The following PCDH19 variants were observed in gnomAD, a reference collection of about 807,000 sequenced individuals.
PCDH19 encodes the protein protocadherin 19.
In PCDH19, 6 loss-of-function variants were observed where a neutral mutation model predicts 46.2. That is an observed-to-expected ratio of 0.13 (90% CI 0.07 to 0.26). The LOEUF (loss-of-function observed/expected upper bound fraction) is 0.26, where lower values mean the gene tolerates loss of function less well. PCDH19 is among the 10% of genes least tolerant of loss of function. The pLI is 1.00. For missense variants in PCDH19, 740 were observed against 972.3 expected (o/e 0.76, Z 3.18); for synonymous variants, 481 against 415.7 (o/e 1.16, Z -1.91).
chrX:100,319,460 T>G (rs1925409024), intron 5 of PCDH19, among the ~76,000 whole-genome samples: 1 of 111,819 alleles, frequency 8.9e-6, no homozygotes, highest in Non-Finnish European at 1.9e-5. Context: ...GAGGGCTATT[T>G]GATTCAGGAA....
At chrX:100,349,180 T>C (rs1198648189) in intron 4 of PCDH19, among the ~76,000 whole-genome samples, 1 of 112,019 alleles carries the variant, frequency 8.9e-6, no homozygotes, top group Non-Finnish European at 1.9e-5. Context: ...AGTTTTAAAA[T>C]GGAGCTTTGA....
At chrX:100,337,447 G>A (rs1306988880) in intron 5 of PCDH19, among the ~76,000 whole-genome samples, 1 of 112,146 alleles carries the variant, frequency 8.9e-6, no homozygotes, top group Non-Finnish European at 1.9e-5. Context: ...CTTCTTTTCT[G>A]GGAAGCCATA....
At chrX:100,344,763 T>A (rs1243350096) in intron 4 of PCDH19, among the ~76,000 whole-genome samples, 1 of 100,366 alleles carries the variant, frequency 1.0e-5, no homozygotes, top group African/African-American at 3.7e-5. Context: ...CTTGGCAATA[T>A]TGACATTTGG....
Position 100,295,855 on chromosome X carries a change from C to G in PCDH19, c.*422G>C, listed in dbSNP as rs1602566106. On this transcript the variant is annotated 3_prime_UTR_variant, in exon 6 of 6. Coordinates refer to ENST00000373034, the MANE Select transcript of PCDH19 (RefSeq NM_001184880.2). ...ATAAATGACCATTAACTTGTCTACA[C>G]TACAAAAAACAGTGGCGAGCTTATT... The G allele has an allele frequency of 7.0e-6, 1 of 143,091 alleles. No homozygotes were observed. 11.8% of individuals were successfully genotyped at this position (143,091 alleles called of 1,213,427 possible).
chrX:100,313,824 C>T (rs140827247), intron 5 of PCDH19, among the ~76,000 whole-genome samples: 443 of 106,047 alleles, frequency 4.2e-3, no homozygotes, highest in Non-Finnish European at 5.8e-3. Flanking sequence ...TTTAAAACCT[C>T]CTGCTGGAAT....
At chrX:100,384,940 C>T (rs918667034) in intron 3 of PCDH19, among the ~76,000 whole-genome samples, 2 of 110,936 alleles carry the variant, frequency 1.8e-5, no homozygotes, top group Non-Finnish European at 3.8e-5. Flanking sequence ...AGGCAGGTTA[C>T]CTGAGGTCAG....
At chrX:100,380,254 C>T (rs900714391) in intron 3 of PCDH19, among the ~76,000 whole-genome samples, 1 of 111,201 alleles carries the variant, frequency 9.0e-6, no homozygotes, top group African/African-American at 3.3e-5. Flanking sequence ...AACAGCCAGC[C>T]GTCAACCATC....
At chrX:100,394,840 A>G (rs867633190) in intron 3 of PCDH19, among the ~76,000 whole-genome samples, 1 of 109,733 alleles carries the variant, frequency 9.1e-6, no homozygotes, top group East Asian at 2.9e-4. Flanking sequence ...GAATTGGCCC[A>G]CCTTTCAAAG....
Position 100,294,971 on chromosome X carries a change from T to C in PCDH19, c.*1306A>G, listed in dbSNP as rs1569283428. On this transcript the variant is annotated 3_prime_UTR_variant, in exon 6 of 6. Transcript: ENST00000373034. Reference sequence around the variant, plus strand: ...TTTTTAATCAAAAAACTATTAGTCATAAAAAGATGAGTTCAAGTGTCTGAG... The same window carrying C: ...TTTTTAATCAAAAAACTATTAGTCACAAAAAGATGAGTTCAAGTGTCTGAG... 8.9e-6 allele frequency: 1 copy of C among 112,571 alleles called. No homozygotes were observed. Among genetic ancestry groups the C allele is most frequent in the Non-Finnish European group, 1.9e-5 (1 of 53,233 alleles). 9.3% of individuals were successfully genotyped at this position (112,571 alleles called of 1,213,427 possible). A position where few individuals can be genotyped will look rare whatever the true frequency, so the allele number is the denominator to read the frequency against.
chrX:100,372,729 T>TCAA (rs1927263559), intron 3 of PCDH19, among the ~76,000 whole-genome samples: 1 of 112,387 alleles, frequency 8.9e-6, no homozygotes, highest in Non-Finnish European at 1.9e-5. Context: ...AAAAGCCTCT[T>TCAA]GCTTTTTTGG....
intron 3 of PCDH19, among the ~76,000 whole-genome samples, chrX:100,371,874 ACACACACACC>A (rs1215086673): frequency 8.4e-5 from 9 of 107,059 alleles, no homozygotes; most frequent in Admixed American, 3.0e-4. Flanking sequence ...ACACACACAC[ACACACACACC>A]CACACAAAAC....
At chrX:100,332,240 G>A (rs187952769) in intron 5 of PCDH19, among the ~76,000 whole-genome samples, 250 of 111,909 alleles carry the variant, frequency 2.2e-3, no homozygotes, top group Admixed American at 4.0e-3. Flanking sequence ...AAAACTATGG[G>A]GCCAGGGGCG....
In PCDH19 at chrX:100,407,064, A is replaced by T; in HGVS notation, c.1534T>A (p.Ser512Thr). ...GATCGCAGCGCGTAGATGTCGCCTG[A>T]GTTGGGATTGATGGAGACATAGGTG... Reference protein sequence around the residue: ...VFTYVSINPNSGDIYALRSFN... With the variant: ...VFTYVSINPNTGDIYALRSFN... Residue 512 changes from serine to threonine, a missense_variant, in exon 1 of 6, where the codon TCA becomes ACA. Coordinates refer to ENST00000373034, the MANE Select transcript of PCDH19 (RefSeq NM_001184880.2). The T allele has an allele frequency of 8.3e-7, 1 of 1,211,398 alleles. No homozygotes were observed. The highest frequency in any genetic ancestry group is 1.1e-6 in the Non-Finnish European group (1 of 895,317).
At chrX:100,317,978 C>G (rs1335912744) in intron 5 of PCDH19, among the ~76,000 whole-genome samples, 1 of 112,274 alleles carries the variant, frequency 8.9e-6, no homozygotes, top group East Asian at 2.8e-4. Flanking sequence ...GCAAACTTCT[C>G]TCCAGAAAGG....
intron 5 of PCDH19, among the ~76,000 whole-genome samples, chrX:100,335,882 T>C (rs913929147): frequency 1.8e-5 from 2 of 111,756 alleles, no homozygotes; most frequent in Admixed American, 1.9e-4. Context: ...AAACGCTGTA[T>C]ACACATTCCT....
rs756929305 is a variant in PCDH19, at chrX:100,325,146, TAGATAGATAGATAGATAGATAGAC to T, written c.2848+16733_2848+16756del. 4.1e-3 allele frequency among the ~76,000 whole-genome samples: 381 copies of T among 91,987 alleles called. 3 individuals are homozygous for T. Among genetic ancestry groups the T allele is most frequent in the Non-Finnish European group, 7.3e-3 (321 of 43,859 alleles). The allele number at this position is 91,987 out of a possible 115,157, so 79.9% of individuals were successfully genotyped here. ...AATACTAGATAGATAGATAGATAGA[TAGATAGATAGATAGATAGATAGAC>T]AGATAGACACTTTGATTATTGGTCT... On this transcript the variant is annotated intron_variant, in intron 5 of 5. Coordinates refer to ENST00000373034, the MANE Select transcript of PCDH19 (RefSeq NM_001184880.2).
At chrX:100,399,364 T>C (rs1050003015) in intron 3 of PCDH19, among the ~76,000 whole-genome samples, 2 of 111,983 alleles carry the variant, frequency 1.8e-5, no homozygotes, top group Non-Finnish European at 3.8e-5. Flanking sequence ...CATTGCACCC[T>C]ATATTAGCAT....
At position 100,291,702 on chromosome X, in the gene PCDH19, A is replaced by G. The variant is rs1198985010; in HGVS notation, c.*4575T>C. On this transcript the variant is annotated 3_prime_UTR_variant, in exon 6 of 6. Coordinates refer to ENST00000373034, the MANE Select transcript of PCDH19 (RefSeq NM_001184880.2). ...GCATTAAATTTTTGAAGCAGAGAAAACACATTTAAAGGGGGAAACAGAGAA... is the reference window on the plus strand; with the variant it reads ...GCATTAAATTTTTGAAGCAGAGAAAGCACATTTAAAGGGGGAAACAGAGAA... The G allele has an allele frequency of 8.9e-6, 1 of 112,840 alleles. No homozygotes were observed. The highest frequency in any genetic ancestry group is 3.2e-5 in the African/African-American group (1 of 30,969). 9.3% of individuals were successfully genotyped at this position (112,840 alleles called of 1,213,427 possible).
chrX:100,361,873 GA>G lies in PCDH19; in HGVS notation c.2617-11170del, dbSNP rs200998743. Among the ~76,000 whole-genome samples the G allele has an allele frequency of 9.2e-5, 10 of 109,122 alleles. No homozygotes were observed. The East Asian group carries it at 2.0e-3, about 22-fold the overall frequency. 94.8% of individuals were successfully genotyped at this position (109,122 alleles called of 115,157 possible). ...GGCTGACGAGGTATACTATTTGGGA[GA>G]AAAAAAATACACTAGCCTGCTTAAA... is the stretch of plus-strand genomic sequence containing the variant. On this transcript the variant is annotated intron_variant, in intron 3 of 5. Transcript: ENST00000373034.
Sources: allele counts gnomAD v4.1 joint callset (sites outside exome capture counted in the v4.1 genomes callset), GRCh38; gene constraint gnomAD v4.1.1; transcripts MANE v1.5; gene names NCBI Gene and HGNC (gene_info 2026-07-23, HGNC 2026-07-21).